Variants in PTN observed in about 807,000 individuals in gnomAD.
The protein encoded by PTN is heparin affin regulatory protein.
Under a neutral mutation model 24.1 loss-of-function variants are expected in PTN, and 18 were observed. The observed-to-expected ratio is 0.75, with a 90% CI of 0.52 to 1.11. The LOEUF (loss-of-function observed/expected upper bound fraction) is 1.11, where lower values mean the gene tolerates loss of function less well. Ranked by LOEUF, PTN falls within the 50% of genes least tolerant of loss-of-function variation. The pLI is 0.00. For synonymous variants in PTN, 78 were observed against 68.6 expected (o/e 1.14, Z -0.67); for missense variants, 163 against 198.8 (o/e 0.82, Z 1.08).
chr7:137,276,709 G>A (rs1809365556), intron 1 of PTN, among the ~76,000 whole-genome samples: 3 of 152,226 alleles, frequency 2.0e-5, no homozygotes, highest in Middle Eastern at 3.4e-3. Context: ...ACTAATACTG[G>A]TGCATGGTAT....
In PTN at chr7:137,235,956, C is replaced by T. The variant is rs529717550; in HGVS notation, c.452-7881G>A. Among the ~76,000 whole-genome samples, 12 of 152,144 alleles carry T rather than the reference C, an allele frequency of 7.9e-5. 1 individual carries two copies. The highest frequency in any genetic ancestry group is 4.1e-4 in the South Asian group (2 of 4,836). ...TTTCAGGAACCTGTTTTGTCCCCCC[C>T]ACTCACTTTGGGAGGCGGCTCAGCA... On this transcript the variant is annotated intron_variant, in intron 4 of 4. Transcript: ENST00000348225.
intron 4 of PTN, among the ~76,000 whole-genome samples, chr7:137,243,773 AG>A (rs1208102546): frequency 6.6e-6 from 1 of 152,108 alleles, no homozygotes; most frequent in East Asian, 1.9e-4. Context: ...CTGGTTTCGG[AG>A]GGTCACCTGT....
At chr7:137,300,432 T>C (rs1263395146) in intron 1 of PTN, among the ~76,000 whole-genome samples, 2 of 151,930 alleles carry the variant, frequency 1.3e-5, no homozygotes, top group African/African-American at 4.8e-5. Context: ...GTACCTGCCC[T>C]CAAAGATCAC....
chr7:137,231,201 A>C (rs1300674304), intron 4 of PTN, among the ~76,000 whole-genome samples: 1 of 151,942 alleles, frequency 6.6e-6, no homozygotes, highest in African/African-American at 2.4e-5. Flanking sequence ...GTAAAAGCTG[A>C]TTAGTAAAGC....
At chr7:137,320,171 G>A (rs1395377438) in intron 1 of PTN, among the ~76,000 whole-genome samples, 1 of 152,184 alleles carries the variant, frequency 6.6e-6, no homozygotes, top group African/African-American at 2.4e-5. Flanking sequence ...TACCATGGGA[G>A]AATAAAACAG....
At chr7:137,313,985 T>C (rs1810027478) in intron 1 of PTN, among the ~76,000 whole-genome samples, 1 of 152,148 alleles carries the variant, frequency 6.6e-6, no homozygotes, top group Admixed American at 6.5e-5. Context: ...GTCTGAGAAA[T>C]CACATTTGGA....
At chr7:137,331,560 A>G (rs565909075) in intron 1 of PTN, among the ~76,000 whole-genome samples, 26 of 152,166 alleles carry the variant, frequency 1.7e-4, no homozygotes, top group Non-Finnish European at 3.5e-4. Flanking sequence ...TCGTCATTCC[A>G]AATAATAACA....
chr7:137,240,066 G>C (rs530940534), intron 4 of PTN, among the ~76,000 whole-genome samples: 3 of 152,240 alleles, frequency 2.0e-5, no homozygotes, highest in East Asian at 3.9e-4. Context: ...AAGTTACCTT[G>C]TCCGAGAGGC....
intron 1 of PTN, chr7:137,326,702 T>C (rs1358359900): frequency 1.3e-5 from 2 of 152,220 alleles, no homozygotes; most frequent in Admixed American, 1.3e-4. Context: ...CACTACCTCC[T>C]GGAAGCCTCC....
At chr7:137,241,916 G>C (rs992033669) in intron 4 of PTN, among the ~76,000 whole-genome samples, 12 of 152,088 alleles carry the variant, frequency 7.9e-5, no homozygotes, top group Non-Finnish European at 1.6e-4. Context: ...CCAGTCCCAG[G>C]CCAGCCTGTG....
chr7:137,324,433 A>AAAAAAAAAAAAATATATATATATATAT, intron 1 of PTN, among the ~76,000 whole-genome samples: 1 of 88,762 alleles, frequency 1.1e-5, no homozygotes, highest in African/African-American at 6.9e-5. Flanking sequence ...AAAAAAAAAA[A>AAAAAAAAAAAAATATATATATATATAT]ATATATATAT....
chr7:137,292,423 G>T (rs1250741433), intron 1 of PTN, among the ~76,000 whole-genome samples: 2 of 152,084 alleles, frequency 1.3e-5, no homozygotes, highest in African/African-American at 4.8e-5. Context: ...TCATGGTAGT[G>T]AATAAGTCTC....
At chr7:137,286,818 A>G (rs1478083370) in intron 1 of PTN, among the ~76,000 whole-genome samples, 1 of 152,210 alleles carries the variant, frequency 6.6e-6, no homozygotes, top group East Asian at 1.9e-4. Context: ...ATGTTTCCAT[A>G]CTTAGTTGGA....
intron 1 of PTN, among the ~76,000 whole-genome samples, chr7:137,311,304 AT>A (rs1434928160): frequency 5.9e-5 from 9 of 152,130 alleles, no homozygotes; most frequent in Non-Finnish European, 1.0e-4. Context: ...TTGAAAAAAA[AT>A]GTTGTGATTG....
At chr7:137,292,817 C>T (rs1809661676) in intron 1 of PTN, among the ~76,000 whole-genome samples, 1 of 152,050 alleles carries the variant, frequency 6.6e-6, no homozygotes, top group African/African-American at 2.4e-5. Flanking sequence ...GTGGGACGCA[C>T]AGAAAAGGAG....
At chr7:137,301,497 A>G (rs1026599806) in intron 1 of PTN, among the ~76,000 whole-genome samples, 6 of 151,934 alleles carry the variant, frequency 3.9e-5, no homozygotes, top group Non-Finnish European at 8.8e-5. Context: ...GTCAATTCAG[A>G]TAGTGTAGTA....
At chr7:137,318,334 C>G (rs747513463) in intron 1 of PTN, among the ~76,000 whole-genome samples, 1 of 152,114 alleles carries the variant, frequency 6.6e-6, no homozygotes, top group Admixed American at 6.6e-5. Flanking sequence ...GTGAATGAAC[C>G]AGGTATTTCA....
chr7:137,291,083 C>G (rs549699892), intron 1 of PTN, among the ~76,000 whole-genome samples: 196 of 152,134 alleles, frequency 1.3e-3, no homozygotes, highest in African/African-American at 4.1e-3. Context: ...TGAGTTATAG[C>G]TATGCACAAA....
chr7:137,307,167 A>G (rs1809902497), intron 1 of PTN, among the ~76,000 whole-genome samples: 1 of 152,034 alleles, frequency 6.6e-6, no homozygotes, highest in Non-Finnish European at 1.5e-5. Context: ...TATCTTCCCT[A>G]TGGATAGTTT....
Sources: allele counts gnomAD v4.1 joint callset (sites outside exome capture counted in the v4.1 genomes callset), GRCh38; gene constraint gnomAD v4.1.1; transcripts MANE v1.5; gene names NCBI Gene and HGNC (gene_info 2026-07-23, HGNC 2026-07-21).